The following NHSL1 variants were observed in gnomAD, a reference collection of about 807,000 sequenced individuals.
The protein encoded by NHSL1 is NHS like 1.
A neutral mutation model predicts 95.0 loss-of-function variants in NHSL1; 48 were observed. The ratio of observed to expected loss-of-function variants is 0.51; its 90% CI spans 0.40 to 0.64. The LOEUF (loss-of-function observed/expected upper bound fraction) is 0.64, where lower values mean the gene tolerates loss of function less well. NHSL1 is among the 30% of genes least tolerant of loss of function. The pLI is 0.00. For synonymous variants in NHSL1, 783 were observed against 833.9 expected (o/e 0.94, Z 1.05); for missense variants, 1,971 against 2,077.7 (o/e 0.95, Z 1.00).
intron 1 of NHSL1, among the ~76,000 whole-genome samples, chr6:138,524,738 T>A (rs1467587749): frequency 6.6e-6 from 1 of 152,114 alleles, no homozygotes; most frequent in Non-Finnish European, 1.5e-5. Flanking sequence ...GTGTGCATAG[T>A]CAGCTTCAGG....
chr6:138,630,105 C>T (rs967824601), intron 1 of NHSL1, among the ~76,000 whole-genome samples: 1 of 152,006 alleles, frequency 6.6e-6, no homozygotes, highest in African/African-American at 2.4e-5. Context: ...GTCTAAGCTA[C>T]TTGGGAGGCT....
chr6:138,467,611 G>A (rs1778478468), intron 3 of NHSL1, among the ~76,000 whole-genome samples: 2 of 152,186 alleles, frequency 1.3e-5, no homozygotes, highest in Admixed American at 6.5e-5. Context: ...ACTTCCAGTA[G>A]GACAAGATGT....
At chr6:138,523,964 C>T (rs1181983906) in intron 1 of NHSL1, among the ~76,000 whole-genome samples, 3 of 152,208 alleles carry the variant, frequency 2.0e-5, no homozygotes, top group Admixed American at 2.0e-4. Context: ...TGAATGATCT[C>T]ATTGAACTCA....
chr6:138,441,857 G>T, intron 5 of NHSL1, 126 bp downstream of exon 5: 1 of 818,338 alleles, frequency 1.2e-6, no homozygotes. Flanking sequence ...CAGGAAGGAA[G>T]CTGGCCCGTT....
chr6:138,465,149 A>G (rs1298585572), intron 3 of NHSL1, among the ~76,000 whole-genome samples: 1 of 151,632 alleles, frequency 6.6e-6, no homozygotes, highest in African/African-American at 2.4e-5. Context: ...CACCACACTC[A>G]CTGAGTCACC....
intron 1 of NHSL1, among the ~76,000 whole-genome samples, chr6:138,617,609 G>C (rs1784597433): frequency 6.6e-6 from 1 of 152,216 alleles, no homozygotes; most frequent in African/African-American, 2.4e-5. Flanking sequence ...GAAGAGGAAT[G>C]CATGCTTGTG....
At chr6:138,529,622 G>A (rs1407787361) in intron 1 of NHSL1, among the ~76,000 whole-genome samples, 1 of 152,212 alleles carries the variant, frequency 6.6e-6, no homozygotes, top group African/African-American at 2.4e-5. Flanking sequence ...TGAAGGCTGT[G>A]CAGAAGAATC....
intron 7 of NHSL1, among the ~76,000 whole-genome samples, chr6:138,427,548 C>A (rs1312993602): frequency 3.9e-5 from 6 of 151,960 alleles, no homozygotes; most frequent in South Asian, 2.1e-4. Flanking sequence ...TGTACAAATT[C>A]TTTGCATATA....
At chr6:138,605,318 T>C (rs1203994516) in intron 1 of NHSL1, among the ~76,000 whole-genome samples, 1 of 152,176 alleles carries the variant, frequency 6.6e-6, no homozygotes, top group African/African-American at 2.4e-5. Flanking sequence ...CTCAACCTCC[T>C]GGGCTCAAGC....
At position 138,433,637 on chromosome 6, in the gene NHSL1, G is replaced by A; in HGVS notation, c.708C>T (p.Tyr236=). The A allele has an allele frequency of 1.3e-6, 2 of 1,547,608 alleles. No individual in the cohort carries two copies. The highest frequency in any genetic ancestry group is 1.7e-6 in the Non-Finnish European group (2 of 1,143,444). The change falls in exon 6 of 8, where the codon TAC becomes TAT. Residue 236 remains tyrosine, a synonymous_variant. Transcript: ENST00000343505. ...GQDDADGHSV[Y]TPDHYSTLGR... ...CTAGTGTAGAGTAGTGATCAGGGGTGTACACTGAGTGGCCATCAGCATCAT... is the reference window on the plus strand; with the variant it reads ...CTAGTGTAGAGTAGTGATCAGGGGTATACACTGAGTGGCCATCAGCATCAT...
intron 1 of NHSL1, among the ~76,000 whole-genome samples, chr6:138,614,230 C>T (rs1784550265): frequency 1.3e-5 from 2 of 152,126 alleles, no homozygotes; most frequent in South Asian, 4.1e-4. Context: ...CTGGTGCTCA[C>T]CATTTGCTCT....
chr6:138,506,364 C>A (rs1391280144), intron 1 of NHSL1, among the ~76,000 whole-genome samples: 2 of 152,070 alleles, frequency 1.3e-5, no homozygotes, highest in African/African-American at 4.8e-5. Flanking sequence ...ATTATTCAAA[C>A]AATTATTACT....
intron 2 of NHSL1, among the ~76,000 whole-genome samples, chr6:138,486,064 C>T (rs577636410): frequency 5.3e-5 from 8 of 152,114 alleles, no homozygotes; most frequent in Non-Finnish European, 1.2e-4. Context: ...CCGCAACCTC[C>T]GACCCTCCGC....
intron 1 of NHSL1, among the ~76,000 whole-genome samples, chr6:138,627,751 G>A (rs897551478): frequency 6.6e-6 from 1 of 151,776 alleles, no homozygotes; most frequent in African/African-American, 2.4e-5. Flanking sequence ...CGTGGTGGCG[G>A]GCGCCTGTAA....
chr6:138,435,366 T>C (rs1172468498), intron 5 of NHSL1: 1 of 152,608 alleles, frequency 6.6e-6, no homozygotes, highest in African/African-American at 2.4e-5. Context: ...TTTTTAACTG[T>C]CTTTAAGTAG....
chr6:138,486,470 C>G (rs911084400), intron 2 of NHSL1, among the ~76,000 whole-genome samples: 2 of 152,128 alleles, frequency 1.3e-5, no homozygotes, highest in African/African-American at 4.8e-5. Flanking sequence ...TCTCTCCCCA[C>G]CTGTGAGCGC....
At chr6:138,595,826 A>G (rs1784296106) in intron 1 of NHSL1, among the ~76,000 whole-genome samples, 1 of 152,312 alleles carries the variant, frequency 6.6e-6, no homozygotes, top group African/African-American at 2.4e-5. Flanking sequence ...AGAAAGTGGA[A>G]AGTGAGGGGT....
chr6:138,562,438 G>C (rs983704011), intron 1 of NHSL1, among the ~76,000 whole-genome samples: 4 of 152,166 alleles, frequency 2.6e-5, no homozygotes, highest in African/African-American at 7.2e-5. Context: ...CCTGAGGTCA[G>C]GAGTTTGAGA....
intron 1 of NHSL1, among the ~76,000 whole-genome samples, chr6:138,510,461 T>G (rs530773890): frequency 2.2e-4 from 34 of 152,352 alleles, no homozygotes; most frequent in African/African-American, 7.7e-4. Flanking sequence ...TAGTGTTGGA[T>G]CTTTTCAAAA....
Sources: allele counts gnomAD v4.1 joint callset (sites outside exome capture counted in the v4.1 genomes callset), GRCh38; gene constraint gnomAD v4.1.1; transcripts MANE v1.5; gene names NCBI Gene and HGNC (gene_info 2026-07-23, HGNC 2026-07-21).